TTC28: variants seen among roughly 807,000 people sequenced by gnomAD.
TTC28 encodes tetratricopeptide repeat domain 28, also known as tetratricopeptide repeat protein 28.
Under a neutral mutation model 198.0 loss-of-function variants are expected in TTC28, and 61 were observed. That is an observed-to-expected ratio of 0.31 (90% confidence interval 0.25 to 0.38). The LOEUF (loss-of-function observed/expected upper bound fraction) is 0.38, where lower values mean the gene tolerates loss of function less well. TTC28 is among the 10% of genes least tolerant of loss of function. The pLI is 1.00. For synonymous variants in TTC28, 1,171 were observed against 1,297.8 expected (o/e 0.90, Z 2.10); for missense variants, 2,678 against 3,164.0 (o/e 0.85, Z 3.69).
chr22:28,381,629 G>A (rs1601717959), intron 2 of TTC28, among the ~76,000 whole-genome samples: 1 of 152,066 alleles, frequency 6.6e-6, no homozygotes, highest in Non-Finnish European at 1.5e-5. Flanking sequence ...GCAAATTACA[G>A]GGAGAACAGA....
At chr22:28,514,173 T>C (rs2048739317) in intron 2 of TTC28, among the ~76,000 whole-genome samples, 3 of 152,200 alleles carry the variant, frequency 2.0e-5, no homozygotes. Context: ...AGGAATCAAT[T>C]GCCTTATTTA....
chr22:28,645,053 G>A (rs1430246035), intron 1 of TTC28, among the ~76,000 whole-genome samples: 1 of 151,880 alleles, frequency 6.6e-6, no homozygotes, highest in Non-Finnish European at 1.5e-5. Flanking sequence ...GCTGAGGCAG[G>A]AGAATGGTGT....
chr22:28,370,560 T>C (rs567150240), intron 2 of TTC28, among the ~76,000 whole-genome samples: 1 of 152,338 alleles, frequency 6.6e-6, no homozygotes, highest in South Asian at 2.1e-4. Context: ...CTCACTGTAA[T>C]ACCAATGACT....
In TTC28 at chr22:28,612,746, G is replaced by A. The variant is rs534336657; in HGVS notation, c.381+16806C>T. On this transcript the variant is annotated intron_variant, in intron 2 of 22. Transcript: ENST00000397906. The stretch of plus-strand genomic sequence containing the variant: ...TCCTGAATACTACTGGGTAAATAAC[G>A]AAATTAAGGAAGAAATAAAGATGTT... 4.5e-4 allele frequency among the ~76,000 whole-genome samples: 68 copies of A among 152,212 alleles called. No homozygotes were observed. In the East Asian group the frequency reaches 4.8e-3, roughly 11 times the overall value.
chr22:28,544,085 G>A (rs1011307047), intron 2 of TTC28, among the ~76,000 whole-genome samples: 8 of 152,138 alleles, frequency 5.3e-5, no homozygotes, highest in African/African-American at 1.4e-4. Context: ...GCCAGGCGTG[G>A]TGGCGGGCAC....
At chr22:28,072,275 C>A (rs756895445) in intron 12 of TTC28, among the ~76,000 whole-genome samples, 1 of 152,086 alleles carries the variant, frequency 6.6e-6, no homozygotes, top group Non-Finnish European at 1.5e-5. Context: ...TCTACCAGCC[C>A]CCAGTAGTTT....
intron 2 of TTC28, among the ~76,000 whole-genome samples, chr22:28,505,006 A>T (rs1342136934): frequency 6.6e-6 from 1 of 151,950 alleles, no homozygotes; most frequent in East Asian, 1.9e-4. Flanking sequence ...TTGTAATCCC[A>T]AGCACTTTGG....
intron 2 of TTC28, among the ~76,000 whole-genome samples, chr22:28,390,494 C>A (rs1275465577): frequency 3.9e-5 from 6 of 152,104 alleles, no homozygotes; most frequent in Non-Finnish European, 7.3e-5. Context: ...CTTTGTAGGT[C>A]GCTCAGGACT....
intron 6 of TTC28, among the ~76,000 whole-genome samples, chr22:28,133,937 T>G (rs1346018301): frequency 6.6e-6 from 1 of 152,166 alleles, no homozygotes; most frequent in East Asian, 1.9e-4. Flanking sequence ...GACCCCTGAA[T>G]AGCCTAACTG....
At chr22:28,153,234 A>G (rs1485702406) in intron 6 of TTC28, among the ~76,000 whole-genome samples, 1 of 151,848 alleles carries the variant, frequency 6.6e-6, no homozygotes. Context: ...GCTGCACTGT[A>G]AATAAGAGGA....
intron 5 of TTC28, among the ~76,000 whole-genome samples, chr22:28,217,472 A>G (rs1482215339): frequency 6.6e-6 from 1 of 152,254 alleles, no homozygotes; most frequent in Non-Finnish European, 1.5e-5. Flanking sequence ...ATAACTGTAT[A>G]TAATCTCCTA....
chr22:28,503,384 A>G (rs972782424), intron 2 of TTC28, among the ~76,000 whole-genome samples: 1 of 152,226 alleles, frequency 6.6e-6, no homozygotes, highest in South Asian at 2.1e-4. Context: ...GGATATATGT[A>G]CCATGGGTTT....
At chr22:28,652,086 C>G (rs5752766) in intron 1 of TTC28, among the ~76,000 whole-genome samples, 40,840 of 152,102 alleles carry the variant, frequency 0.27, 6,855 homozygotes, top group Middle Eastern at 0.4. Context: ...GTGATCCGCC[C>G]ACATTGGCCT....
At chr22:28,237,322 G>C (rs1255052614) in intron 5 of TTC28, among the ~76,000 whole-genome samples, 1 of 152,114 alleles carries the variant, frequency 6.6e-6, no homozygotes, top group East Asian at 1.9e-4. Context: ...TCCTAGAATA[G>C]TACTGGTTAC....
In TTC28 at chr22:28,537,334, A is replaced by AAAATAAAATAAAATAAAATAAAAT. The variant is rs1569009295; in HGVS notation, c.381+92217_381+92218insATTTTATTTTATTTTATTTTATTT. On this transcript the variant is annotated intron_variant, in intron 2 of 22. Transcript: ENST00000397906. ...AAAATAAAATAAAATAAAATAAAATAAAATAAAAACAAGAATAGGCAAATC... is the reference window on the plus strand; with the variant it reads ...AAAATAAAATAAAATAAAATAAAATAAAATAAAATAAAATAAAATAAAATAAATAAAAACAAGAATAGGCAAATC... Among the ~76,000 whole-genome samples the AAAATAAAATAAAATAAAATAAAAT allele has an allele frequency of 4.0e-5, 6 of 148,968 alleles. No homozygotes were observed. In the East Asian group the frequency reaches 8.4e-4, roughly 21 times the overall value.
intron 2 of TTC28, among the ~76,000 whole-genome samples, chr22:28,496,246 T>C (rs182798692): frequency 1.4e-4 from 22 of 152,264 alleles, no homozygotes; most frequent in Admixed American, 5.9e-4. Flanking sequence ...TATGAATCTA[T>C]AAATGCGTAT....
At chr22:28,376,796 C>T (rs528838740) in intron 2 of TTC28, among the ~76,000 whole-genome samples, 3 of 152,232 alleles carry the variant, frequency 2.0e-5, no homozygotes, top group African/African-American at 4.8e-5. Context: ...TGAGAGAAAA[C>T]TGTAGAGATC....
intron 5 of TTC28, among the ~76,000 whole-genome samples, chr22:28,280,819 T>C (rs2044569977): frequency 6.6e-6 from 1 of 152,170 alleles, no homozygotes; most frequent in Non-Finnish European, 1.5e-5. Context: ...TTTTTAATTG[T>C]TTTTATTTTG....
intron 2 of TTC28, among the ~76,000 whole-genome samples, chr22:28,554,866 G>A (rs773027570): frequency 7.2e-5 from 11 of 151,934 alleles, no homozygotes; most frequent in African/African-American, 2.2e-4. Context: ...GTGAGACTCC[G>A]TCTTTTAAAA....
Sources: allele counts gnomAD v4.1 joint callset (sites outside exome capture counted in the v4.1 genomes callset), GRCh38; gene constraint gnomAD v4.1.1; transcripts MANE v1.5; gene names NCBI Gene and HGNC (gene_info 2026-07-23, HGNC 2026-07-21).